Variants in CFAP20DC observed in about 807,000 individuals in gnomAD.
CFAP20DC encodes protein CFAP20DC.
CFAP20DC carries 84 observed loss-of-function variants against 101.7 expected under a neutral mutation model. The ratio of observed to expected loss-of-function variants is 0.83; its 90% confidence interval spans 0.69 to 0.99. The LOEUF (loss-of-function observed/expected upper bound fraction) is 0.99. CFAP20DC is among the 50% of genes least tolerant of loss of function. The pLI is 0.00. For synonymous variants in CFAP20DC, 359 were observed against 351.2 expected (o/e 1.02, Z -0.25); for missense variants, 1,007 against 970.3 (o/e 1.04, Z -0.50).
At chr3:58,873,198 G>C (rs968711080) in intron 7 of CFAP20DC, among the ~76,000 whole-genome samples, 3 of 149,994 alleles carry the variant, frequency 2.0e-5, no homozygotes, top group African/African-American at 7.4e-5. Flanking sequence ...AGTCTGGATA[G>C]CCATTCTGGA....
At chr3:58,938,406 G>A (rs995623169) in intron 4 of CFAP20DC, among the ~76,000 whole-genome samples, 1 of 152,140 alleles carries the variant, frequency 6.6e-6, no homozygotes, top group African/African-American at 2.4e-5. Flanking sequence ...ATTGATAGAG[G>A]CTCATTTTTA....
intron 15 of CFAP20DC, among the ~76,000 whole-genome samples, chr3:58,779,619 T>A (rs1184574165): frequency 1.3e-5 from 2 of 152,084 alleles, no homozygotes; most frequent in Middle Eastern, 3.4e-3. Context: ...AGAAAGAATC[T>A]CAGAACTGAA....
intron 4 of CFAP20DC, among the ~76,000 whole-genome samples, chr3:59,020,378 A>G (rs1287543510): frequency 6.6e-6 from 1 of 152,202 alleles, no homozygotes; most frequent in South Asian, 2.1e-4. Flanking sequence ...CCGTATTACC[A>G]ATGCACAAGA....
At chr3:59,018,313 C>G (rs2093731655) in intron 4 of CFAP20DC, 1 of 152,050 alleles carries the variant, frequency 6.6e-6, no homozygotes, top group African/African-American at 2.4e-5. Context: ...AATCATCATG[C>G]TAAACTGGTG....
chr3:59,037,096 G>A (rs1272402598), intron 4 of CFAP20DC, among the ~76,000 whole-genome samples: 3 of 152,110 alleles, frequency 2.0e-5, no homozygotes, highest in Non-Finnish European at 4.4e-5. Flanking sequence ...TACTGAAACT[G>A]GACCCCTTCC....
intron 4 of CFAP20DC, among the ~76,000 whole-genome samples, chr3:58,939,060 G>A (rs1214067831): frequency 6.6e-6 from 1 of 152,156 alleles, no homozygotes; most frequent in South Asian, 2.1e-4. Flanking sequence ...ACATGGGGAG[G>A]GGGAGTGATA....
chr3:58,822,304 A>G (rs2075719625), intron 14 of CFAP20DC, among the ~76,000 whole-genome samples: 1 of 99,792 alleles, frequency 1.0e-5, no homozygotes, highest in African/African-American at 4.0e-5. Flanking sequence ...ATAAAAAAAA[A>G]TCATGAAAAA....
At chr3:58,939,440 C>CA (rs2088188696) in intron 4 of CFAP20DC, among the ~76,000 whole-genome samples, 1 of 152,058 alleles carries the variant, frequency 6.6e-6, no homozygotes, top group African/African-American at 2.4e-5. Context: ...AATAAAACTA[C>CA]ATTTTTTAAA....
chr3:58,762,863 G>GC (rs2069790526), intron 15 of CFAP20DC, among the ~76,000 whole-genome samples: 2 of 152,250 alleles, frequency 1.3e-5, no homozygotes, highest in African/African-American at 4.8e-5. Flanking sequence ...TTGAATATTG[G>GC]CCCCCACTCT....
intron 7 of CFAP20DC, among the ~76,000 whole-genome samples, chr3:58,872,102 G>A (rs1011676735): frequency 6.6e-6 from 1 of 152,198 alleles, no homozygotes. Flanking sequence ...GGGCAGGTGA[G>A]GGTGATAGCC....
chr3:58,884,625 A>T lies in CFAP20DC; in HGVS notation c.635T>A (p.Val212Asp). ...SCQLMTDVPH[V>D]TQLLNMTKLR... ...TTTAGTCATGTTTAGCAGCTGTGTG[A>T]CATGTGGAACATCTGTCATTAGTTG... is the stretch of plus-strand genomic sequence containing the variant. Residue 212 changes from valine to aspartate, a missense_variant, in exon 7 of 17, where the codon GTC (valine) becomes GAC (aspartate). By Grantham distance (152) the Val-to-Asp change is radical (BLOSUM62 -3). Transcript: ENST00000482387. 1 of 1,614,020 alleles carries T rather than the reference A, an allele frequency of 6.2e-7. No individual in the cohort carries two copies. Among genetic ancestry groups the T allele is most frequent in the Non-Finnish European group, 8.5e-7 (1 of 1,179,904 alleles).
chr3:58,910,922 A>T (rs1576269312), intron 6 of CFAP20DC, among the ~76,000 whole-genome samples: 1 of 152,210 alleles, frequency 6.6e-6, no homozygotes, highest in East Asian at 1.9e-4. Flanking sequence ...CAAGGGAAAA[A>T]TAAACAGATA....
intron 15 of CFAP20DC, among the ~76,000 whole-genome samples, chr3:58,781,626 A>G (rs2071836202): frequency 6.6e-6 from 1 of 152,128 alleles, no homozygotes; most frequent in African/African-American, 2.4e-5. Flanking sequence ...CCATGGAAAT[A>G]CAAAAGATCA....
Position 58,913,099 on chromosome 3 carries a change from C to T in CFAP20DC, c.550+609G>A, listed in dbSNP as rs2084318718. On this transcript the variant is annotated intron_variant, in intron 6 of 16. Coordinates refer to ENST00000482387, the MANE Select transcript of CFAP20DC (RefSeq NM_001394063.1). This position sits in a 1 kb window ranked among gnomAD's most constrained non-coding sequence, Gnocchi z 4.4. ...CCACACCAAACGTTTTCAGTGGAGA[C>T]AAACATGAAGAAAAATATATCTACT... is the stretch of plus-strand genomic sequence containing the variant. Among the ~76,000 whole-genome samples the T allele has an allele frequency of 1.3e-5, 2 of 152,090 alleles. No homozygotes were observed. The highest frequency in any genetic ancestry group is 1.3e-4 in the Admixed American group (2 of 15,260).
chr3:59,024,464 T>C lies in CFAP20DC; in HGVS notation c.278+15093A>G, dbSNP rs558090921. Among the ~76,000 whole-genome samples the C allele has an allele frequency of 2.6e-4, 39 of 152,288 alleles. 1 individual carries two copies. The South Asian group carries it at 7.9e-3, about 31-fold the overall frequency. ...AGAGTTGGTTGTTGAGATGTCTAAA[T>C]AATAAGACCATTATGTAATAAATGC... On this transcript the variant is annotated intron_variant, in intron 4 of 16. Transcript: ENST00000482387.
At chr3:58,855,271 T>G (rs1031798934) in intron 12 of CFAP20DC, among the ~76,000 whole-genome samples, 1 of 152,024 alleles carries the variant, frequency 6.6e-6, no homozygotes, top group African/African-American at 2.4e-5. Flanking sequence ...GAAATGCAAC[T>G]CAGAACCACA....
At chr3:58,929,952 C>A (rs1210078384) in intron 5 of CFAP20DC, among the ~76,000 whole-genome samples, 1 of 152,124 alleles carries the variant, frequency 6.6e-6, no homozygotes, top group Admixed American at 6.6e-5. Context: ...CTGGGTTTGT[C>A]TGCACACCAC....
intron 4 of CFAP20DC, chr3:58,970,522 C>A (rs370672439): frequency 5.3e-5 from 8 of 152,138 alleles, no homozygotes; most frequent in African/African-American, 1.9e-4. Flanking sequence ...CCAGAAGGAA[C>A]CAATCCTGCC....
rs190251829 is a variant in CFAP20DC, at chr3:58,788,351, C to T, written c.2237+18044G>A. ...AAATTCACATTTAAACCACGGTTAC[C>T]GGGGAAATCCTATTGGTGAGAATCC... On this transcript the variant is annotated intron_variant, in intron 15 of 16. Transcript: ENST00000482387. The surrounding 1 kb of genome is among the most constrained non-coding windows in gnomAD (Gnocchi z 4.2). Among the ~76,000 whole-genome samples, 7 of 152,142 alleles carry T rather than the reference C, an allele frequency of 4.6e-5. No individual in the cohort carries two copies. Among genetic ancestry groups the T allele is most frequent in the South Asian group, 4.1e-4 (2 of 4,820 alleles).
Sources: gnomAD v4.1 joint callset for allele counts (sites outside exome capture counted in the v4.1 genomes callset) on GRCh38, gnomAD v4.1.1 for gene constraint, Gnocchi (gnomAD v3.1) non-coding constraint, MANE v1.5 for transcripts, NCBI Gene and HGNC (gene_info 2026-07-23, HGNC 2026-07-21) for gene names.